BRAP: variants seen among roughly 807,000 people sequenced by gnomAD.
The protein encoded by BRAP is BRCA1-associated protein.
BRAP carries 42 observed loss-of-function variants against 73.4 expected under a neutral mutation model. The ratio of observed to expected loss-of-function variants is 0.57; its 90% CI spans 0.45 to 0.74. BRAP has a LOEUF of 0.74. Ranked by LOEUF, BRAP falls within the 30% of genes least tolerant of loss-of-function variation. The pLI is 0.00. For synonymous variants in BRAP, 255 were observed against 267.4 expected (o/e 0.95, Z 0.45); for missense variants, 593 against 751.4 (o/e 0.79, Z 2.46).
Position 111,660,637 on chromosome 12 carries a change from A to C in BRAP, c.935T>G (p.Val312Gly). ...ACACTCAAAACACTTATTTTCTTCT[A>C]CTGGCTCGGGCGTTTGACAGTACCG... ...VCRYCQTPEP[V>G]EENKCFECGV... The change falls in exon 7 of 12, where the codon GTA becomes GGA. Residue 312 changes from valine to glycine, a missense_variant. Physicochemically the swap from Val to Gly is moderately radical, Grantham distance 109. Transcript: ENST00000419234. The C allele has an allele frequency of 6.2e-7, 1 of 1,608,044 alleles. No homozygotes were observed. Among genetic ancestry groups the C allele is most frequent in the Non-Finnish European group, 8.5e-7 (1 of 1,176,896 alleles).
chr12:111,684,030 T>C (rs1343040649), intron 1 of BRAP, among the ~76,000 whole-genome samples: 1 of 152,252 alleles, frequency 6.6e-6, no homozygotes, highest in East Asian at 1.9e-4. Context: ...GTCTTAAACA[T>C]CCTGGCTTAT....
Position 111,650,111 on chromosome 12 carries a change from C to T in BRAP, c.1312-69G>A, listed in dbSNP as rs546469022. The T allele has an allele frequency of 2.9e-5, 32 of 1,108,484 alleles. No individual in the cohort carries two copies. The African/African-American group carries it at 5.0e-4, about 17-fold the overall frequency. 68.7% of individuals were successfully genotyped at this position (1,108,484 alleles called of 1,614,324 possible). A position where few individuals can be genotyped will look rare whatever the true frequency, so the allele number is the denominator to read the frequency against. On this transcript the variant is annotated intron_variant, in intron 10 of 11. Transcript: ENST00000419234. ...GTGGTGTGCTCTTTGGGACCAACAT[C>T]ATATTTTTCCCCCCAATTATCTGTA...
intron 5 of BRAP, chr12:111,669,762 C>T (rs760209727): frequency 8.7e-5 from 29 of 334,740 alleles, no homozygotes; most frequent in Admixed American, 4.0e-5. Context: ...AAAAGTGGCT[C>T]CAAAAATAGT....
At chr12:111,682,015 T>C (rs1475390112) in intron 2 of BRAP, among the ~76,000 whole-genome samples, 180 bp from the exon 3 acceptor site, 4 of 152,196 alleles carry the variant, frequency 2.6e-5, no homozygotes, top group Admixed American at 6.6e-5. Flanking sequence ...TTTAAAGCTC[T>C]CTTTGCTCCA....
In BRAP at chr12:111,659,201, A is replaced by G. The variant is rs1287803927; in HGVS notation, c.1111+6T>C. On this transcript the variant is annotated splice_donor_region_variant and intron_variant, in intron 8 of 11. Coordinates refer to ENST00000419234, the MANE Select transcript of BRAP (RefSeq NM_006768.5). ...AGTCCAAATTAGAAAAGAGAGTGGTATTCACCTCCAGCATAGTCCCAGACT... is the reference window on the plus strand; with the variant it reads ...AGTCCAAATTAGAAAAGAGAGTGGTGTTCACCTCCAGCATAGTCCCAGACT... The G allele has an allele frequency of 6.2e-7, 1 of 1,613,178 alleles. No homozygotes were observed.
At chr12:111,670,183 T>C (rs1320190897) in intron 5 of BRAP, 3 of 613,008 alleles carry the variant, frequency 4.9e-6, no homozygotes, top group South Asian at 1.4e-5. Flanking sequence ...TGGAGATCAC[T>C]GTAGGCTTTG....
rs1227758911 is a variant in BRAP at position 111,665,743 on chromosome 12, G to A, written c.792C>T (p.Cys264=). 3 of 1,614,130 alleles carry A rather than the reference G, an allele frequency of 1.9e-6. No individual in the cohort carries two copies. The highest frequency in any genetic ancestry group is 2.5e-6 in the Non-Finnish European group (3 of 1,180,054). The stretch of plus-strand genomic sequence containing the variant: ...CGTCCATGCGCTCCAGACACACCGT[G>A]CACTTGGGGAGTTCAGTCAGGTCCA... ...PVMDLTELPK[C]TVCLERMDES... Residue 264 remains cysteine, a synonymous_variant, in exon 6 of 12, where the codon TGC becomes TGT. Transcript: ENST00000419234. The surrounding 1 kb of genome is among the most constrained non-coding windows in gnomAD (Gnocchi z 4.3).
chr12:111,653,138 G>T (rs1886391588), intron 10 of BRAP, among the ~76,000 whole-genome samples: 1 of 152,162 alleles, frequency 6.6e-6, no homozygotes, highest in African/African-American at 2.4e-5. Context: ...GCCTGAGGCT[G>T]CAGTGAGCTG....
chr12:111,658,715 A>G (rs759897122), intron 9 of BRAP, 21 bp downstream of exon 9: 2 of 1,450,596 alleles, frequency 1.4e-6, no homozygotes, highest in Non-Finnish European at 1.9e-6. Context: ...AGATAGAGTG[A>G]TAACTCATTA....
At chr12:111,678,472 C>G (rs892636462) in intron 4 of BRAP, among the ~76,000 whole-genome samples, 2 of 150,608 alleles carry the variant, frequency 1.3e-5, no homozygotes, top group African/African-American at 4.9e-5. Context: ...GCCTGGCCAA[C>G]ATAGTGAAAC....
In BRAP at chr12:111,679,209, T is replaced by C. The variant is rs1293817902; in HGVS notation, c.575A>G (p.Lys192Arg). The change falls in exon 4 of 12, where the codon AAA (lysine) becomes AGA (arginine). Residue 192 changes from lysine to arginine, a missense_variant. Around this residue, in one of 4 missense-constraint regions of BRAP, gnomAD observed 304 missense variants for 337.7 expected, o/e 0.90. Coordinates refer to ENST00000419234, the MANE Select transcript of BRAP (RefSeq NM_006768.5). ...APFNEVIEQM[K>R]IIRDSTPNQY... ...GTTGGGAGTAGAGTCTCTGATAATT[T>C]TCATTTGTTCAATTACTTCGTTAAA... 1 of 1,609,054 alleles carries C rather than the reference T, an allele frequency of 6.2e-7. No homozygotes were observed. Among genetic ancestry groups the C allele is most frequent in the Non-Finnish European group, 8.5e-7 (1 of 1,176,990 alleles).
chr12:111,676,830 T>C (rs561031025), intron 4 of BRAP, among the ~76,000 whole-genome samples: 2 of 152,304 alleles, frequency 1.3e-5, no homozygotes, highest in African/African-American at 4.8e-5. Context: ...TTATTCTCAC[T>C]ACAGCCGATA....
rs560411453 is a variant in BRAP, at chr12:111,663,230, G to A, written c.896+2409C>T. Reference sequence around the variant, plus strand: ...GCACTCTGGGAGGCTGAGGTGAGTGGATCACCTGAGGTCAGCAGTTCGAGA... The same window carrying A: ...GCACTCTGGGAGGCTGAGGTGAGTGAATCACCTGAGGTCAGCAGTTCGAGA... On this transcript the variant is annotated intron_variant, in intron 6 of 11. Transcript: ENST00000419234. 2.0e-4 allele frequency among the ~76,000 whole-genome samples: 31 copies of A among 152,206 alleles called. 2 individuals carry two copies. In the South Asian group the frequency reaches 6.4e-3, roughly 32 times the overall value.
intron 6 of BRAP, among the ~76,000 whole-genome samples, chr12:111,661,940 C>T (rs1317581133): frequency 1.3e-5 from 2 of 151,946 alleles, no homozygotes; most frequent in Non-Finnish European, 2.9e-5. Flanking sequence ...TCCCAAAGTA[C>T]TGGGATAACA....
chr12:111,665,896 CCA>C lies in BRAP; in HGVS notation c.748-111_748-110del. On this transcript the variant is annotated intron_variant, in intron 5 of 11. Coordinates refer to ENST00000419234, the MANE Select transcript of BRAP (RefSeq NM_006768.5). The surrounding 1 kb of genome is among the most constrained non-coding windows in gnomAD (Gnocchi z 4.3). Reference sequence around the variant, plus strand: ...CGCTCTCTGTCACCCACGCTGGAGCCCAGTGGCGCAATCATGGCTCATTACAG... The same window carrying C: ...CGCTCTCTGTCACCCACGCTGGAGCCGTGGCGCAATCATGGCTCATTACAG... 1 of 1,426,186 alleles carries C rather than the reference CCA, an allele frequency of 7.0e-7. No individual in the cohort carries two copies. Among genetic ancestry groups the C allele is most frequent in the Admixed American group, 2.0e-5 (1 of 50,602 alleles). The allele number at this position is 1,426,186 out of a possible 1,614,324, so 88.3% of individuals were successfully genotyped here.
intron 1 of BRAP, chr12:111,685,464 G>T: frequency 1.2e-6 from 1 of 831,452 alleles, no homozygotes. Flanking sequence ...AGAGGGAGAC[G>T]CGCCAGGTAT....
At chr12:111,655,540 C>G (rs752870538) in intron 10 of BRAP, 26 bp downstream of exon 10, 2 of 1,577,926 alleles carry the variant, frequency 1.3e-6, no homozygotes, top group South Asian at 2.2e-5. Flanking sequence ...GTCATTTCCG[C>G]AGTCACCCAA....
At chr12:111,662,353 C>G (rs1453050174) in intron 6 of BRAP, among the ~76,000 whole-genome samples, 2 of 151,896 alleles carry the variant, frequency 1.3e-5, no homozygotes, top group Non-Finnish European at 2.9e-5. Context: ...GAGTTTAAGA[C>G]CAGCTTGACC....
chr12:111,644,160 C>T lies in BRAP; in HGVS notation c.*39G>A, dbSNP rs1324461827. On this transcript the variant is annotated 3_prime_UTR_variant, in exon 12 of 12. Coordinates refer to ENST00000419234, the MANE Select transcript of BRAP (RefSeq NM_006768.5). ...AGGTCCCAGCACACTCTCACAGTGTCAGGGAGAACAGTCTCAGGGATGTCT... is the reference window on the plus strand; with the variant it reads ...AGGTCCCAGCACACTCTCACAGTGTTAGGGAGAACAGTCTCAGGGATGTCT... 1.9e-6 allele frequency: 3 copies of T among 1,582,922 alleles called. No homozygotes were observed. In the South Asian group the frequency reaches 3.4e-5, roughly 18 times the overall value.
Sources: allele counts gnomAD v4.1 joint callset (sites outside exome capture counted in the v4.1 genomes callset), GRCh38; gene constraint gnomAD v4.1.1; regional missense constraint gnomAD v4.1.1; non-coding constraint Gnocchi (gnomAD v3.1); transcripts MANE v1.5; gene names NCBI Gene and HGNC (gene_info 2026-07-23, HGNC 2026-07-21).